Variants in FBXW2 observed in about 807,000 individuals in gnomAD.
FBXW2 encodes F-box/WD repeat-containing protein 2.
In FBXW2, 12 loss-of-function variants were observed where a neutral mutation model predicts 46.0. The observed-to-expected ratio is 0.26, with a 90% CI of 0.17 to 0.42. The LOEUF is 0.42. Among genes scored for constraint, FBXW2 ranks in the 10% least tolerant of loss-of-function variants. The pLI is 1.00. For synonymous variants in FBXW2, 203 were observed against 209.6 expected (o/e 0.97, Z 0.27); for missense variants, 360 against 537.0 (o/e 0.67, Z 3.26).
At chr9:120,786,441 T>C (rs538650732) in intron 3 of FBXW2, among the ~76,000 whole-genome samples, 5 of 152,326 alleles carry the variant, frequency 3.3e-5, no homozygotes, top group African/African-American at 7.2e-5. Context: ...TCTGACATGA[T>C]TGTAAGTTTC....
chr9:120,772,341 A>C (rs1268582240), intron 6 of FBXW2, among the ~76,000 whole-genome samples: 1 of 151,966 alleles, frequency 6.6e-6, no homozygotes, highest in Non-Finnish European at 1.5e-5. Flanking sequence ...AAAAATACAA[A>C]AATTAGCTGG....
At position 120,772,955 on chromosome 9, in the gene FBXW2, A is replaced by G. The variant is rs759547336; in HGVS notation, c.820-115T>C. The G allele has an allele frequency of 2.8e-5, 20 of 709,386 alleles. No homozygotes were observed. The Middle Eastern group carries it at 9.3e-4, about 33-fold the overall frequency. The allele number at this position is 709,386 out of a possible 1,614,324, so 43.9% of individuals were successfully genotyped here. On this transcript the variant is annotated intron_variant, in intron 5 of 7. Coordinates refer to ENST00000608872, the MANE Select transcript of FBXW2 (RefSeq NM_012164.4). ...TAACATATGCTAGAATAGCTAAGCC[A>G]TAACTCCATTACCAAATTAACCTCT...
chr9:120,762,467 T>G lies in FBXW2; in HGVS notation c.*2092A>C, dbSNP rs1367578768. On this transcript the variant is annotated 3_prime_UTR_variant, in exon 8 of 8. Transcript: ENST00000608872. Reference sequence around the variant, plus strand: ...CTATTTCTAGAGTACTAAGCAGAGCTGATGCACAGAACTCAATGTGAGATA... The same window carrying G: ...CTATTTCTAGAGTACTAAGCAGAGCGGATGCACAGAACTCAATGTGAGATA... 6.6e-6 allele frequency: 1 copy of G among 152,240 alleles called. No individual in the cohort carries two copies. The highest frequency in any genetic ancestry group is 1.5e-5 in the Non-Finnish European group (1 of 68,044). The allele number at this position is 152,240 out of a possible 1,614,324, so 9.4% of individuals were successfully genotyped here.
intron 7 of FBXW2, among the ~76,000 whole-genome samples, chr9:120,770,051 C>T (rs1200201190): frequency 6.6e-6 from 1 of 151,778 alleles, no homozygotes; most frequent in East Asian, 1.9e-4. Context: ...TGATCAGATC[C>T]ACACGAGCTG....
Position 120,788,005 on chromosome 9 carries a change from T to TTA in FBXW2, c.252_253dup (p.Lys85IlefsTer7). 1 of 1,614,158 alleles carries TTA rather than the reference T, an allele frequency of 6.2e-7. No homozygotes were observed. The highest frequency in any genetic ancestry group is 8.5e-7 in the Non-Finnish European group (1 of 1,180,028). On this transcript the variant is annotated frameshift_variant, in exon 3 of 8. Coordinates refer to ENST00000608872, the MANE Select transcript of FBXW2 (RefSeq NM_012164.4). LOFTEE classifies it high-confidence loss of function. The stretch of plus-strand genomic sequence containing the variant: ...GGCACTTATCACCTTATTCCACTGT[T>TTA]TAGAGACGAGGCAGCATGTGAGTAA...
At chr9:120,773,744 C>A (rs1450806622) in intron 5 of FBXW2, among the ~76,000 whole-genome samples, 3 of 152,222 alleles carry the variant, frequency 2.0e-5, no homozygotes, top group African/African-American at 4.8e-5. Flanking sequence ...CCCAACATTT[C>A]ATTTCGTGTT....
At chr9:120,777,084 A>C (rs1228176661) in intron 4 of FBXW2, among the ~76,000 whole-genome samples, 2 of 152,226 alleles carry the variant, frequency 1.3e-5, no homozygotes, top group African/African-American at 4.8e-5. Context: ...AGGGAATAGT[A>C]AAGGTATGAA....
intron 5 of FBXW2, among the ~76,000 whole-genome samples, chr9:120,773,951 G>C (rs1192644701): frequency 6.6e-6 from 1 of 152,198 alleles, no homozygotes; most frequent in Middle Eastern, 3.2e-3. Flanking sequence ...AGCACTTTGA[G>C]AGGCCGAGGA....
intron 3 of FBXW2, among the ~76,000 whole-genome samples, chr9:120,786,017 T>TCAAA (rs1359965900): frequency 6.4e-5 from 3 of 47,090 alleles, no homozygotes; most frequent in African/African-American, 9.2e-5. Context: ...AGACTCCATC[T>TCAAA]CAAAAAAAAA....
Position 120,788,039 on chromosome 9 carries a change from G to A in FBXW2, c.220C>T (p.Pro74Ser). 1.2e-6 allele frequency: 2 copies of A among 1,614,158 alleles called. No homozygotes were observed. The highest frequency in any genetic ancestry group is 1.6e-4 in the Middle Eastern group (1 of 6,062). ...LSFYLLKWLD[P>S]QTLLTCCLVS... ...AGGCAGCATGTGAGTAAAGTCTGAG[G>A]ATCGAGCCATTTTAACAAATAAAAA... The change falls in exon 3 of 8, where the codon CCT (proline) becomes TCT (serine). Residue 74 changes from proline (P) to serine (S), a missense_variant. Transcript: ENST00000608872.
chr9:120,772,000 A>G (rs1337521561), intron 6 of FBXW2, among the ~76,000 whole-genome samples: 5 of 147,878 alleles, frequency 3.4e-5, no homozygotes, highest in Non-Finnish European at 5.9e-5. Context: ...CAGAGGTTGC[A>G]GTAAGCAAAG....
intron 5 of FBXW2, 43 bp from the exon 6 acceptor site, chr9:120,772,883 G>C (rs547573719): frequency 7.8e-7 from 1 of 1,274,292 alleles, no homozygotes; most frequent in East Asian, 2.4e-5. Context: ...TTTTAATGCT[G>C]CTCCTATAAT....
chr9:120,774,038 A>AT (rs1554807043), intron 5 of FBXW2, among the ~76,000 whole-genome samples: 3 of 152,080 alleles, frequency 2.0e-5, no homozygotes, highest in South Asian at 2.1e-4. Context: ...CACACAAAAA[A>AT]TTTTTTTTAA....
chr9:120,779,842 T>C (rs185272702), intron 3 of FBXW2, among the ~76,000 whole-genome samples: 59 of 152,284 alleles, frequency 3.9e-4, no homozygotes, highest in Middle Eastern at 3.4e-3. Flanking sequence ...TAAAATGTCC[T>C]AATAGTTACA....
intron 3 of FBXW2, among the ~76,000 whole-genome samples, chr9:120,779,420 G>A (rs1233995977): frequency 6.6e-6 from 1 of 152,022 alleles, no homozygotes; most frequent in Non-Finnish European, 1.5e-5. Context: ...AAGCTGAAAT[G>A]ACTAAAGCCA....
intron 3 of FBXW2, among the ~76,000 whole-genome samples, chr9:120,786,806 T>A (rs115438854): frequency 0.011 from 1,694 of 152,314 alleles, 31 homozygotes; most frequent in African/African-American, 0.039. Flanking sequence ...ATCTAACACA[T>A]GGGCATTAGT....
At chr9:120,786,395 G>T (rs1445447053) in intron 3 of FBXW2, among the ~76,000 whole-genome samples, 1 of 152,132 alleles carries the variant, frequency 6.6e-6, no homozygotes, top group Non-Finnish European at 1.5e-5. Context: ...CAAGGTGCTT[G>T]CTTCCCCTTC....
intron 5 of FBXW2, among the ~76,000 whole-genome samples, chr9:120,773,598 T>A (rs1410172780): frequency 6.6e-6 from 1 of 152,176 alleles, no homozygotes; most frequent in Non-Finnish European, 1.5e-5. Flanking sequence ...TATATAAACA[T>A]CAGGTTCTAG....
At position 120,778,343 on chromosome 9, in the gene FBXW2, C is replaced by A. The variant is rs1325113689; in HGVS notation, c.685+8G>T. On this transcript the variant is annotated splice_region_variant and intron_variant, in intron 4 of 7. Transcript: ENST00000608872. ...AGTTGTAAAAACCCTTGAAAAAGGG[C>A]AACCCACCCGCCCCCGTGTGCCCCC... The A allele has an allele frequency of 8.1e-6, 13 of 1,607,676 alleles. No individual in the cohort carries two copies. Among genetic ancestry groups the A allele is most frequent in the Admixed American group, 1.7e-5 (1 of 59,144 alleles).
Sources: gnomAD v4.1 joint callset for allele counts (sites outside exome capture counted in the v4.1 genomes callset) on GRCh38, gnomAD v4.1.1 for gene constraint, MANE v1.5 for transcripts, NCBI Gene and HGNC (gene_info 2026-07-23, HGNC 2026-07-21) for gene names.